The following FAM83A variants were observed in gnomAD, a reference collection of about 807,000 sequenced individuals.
The protein encoded by FAM83A is protein FAM83A.
In FAM83A, 21 loss-of-function variants were observed where a neutral mutation model predicts 24.4. That is an observed-to-expected ratio of 0.86 (90% CI 0.61 to 1.24). FAM83A has a LOEUF of 1.24. FAM83A is among the 50% of genes most tolerant of loss of function. FAM83A has a pLI of 0.00. For synonymous variants in FAM83A, 270 were observed against 252.4 expected, an observed-to-expected ratio of 1.07 and a Z score of -0.66; for missense variants, 617 against 579.8, an observed-to-expected ratio of 1.06 and a Z score of -0.66.
At chr8:123,207,358 C>G in exon 4 of FAM83A, 1 of 1,611,414 alleles carries the variant, frequency 6.2e-7, no homozygotes. Flanking sequence ...GCAGTGGCTC[C>G]GCCAGTGACC....
At chr8:123,180,550 G>GT (rs993422909), upstream of FAM83A, 1 of 152,434 alleles carries the variant, frequency 6.6e-6, no homozygotes, top group African/African-American at 2.4e-5. Context: ...GAGCCATGGA[G>GT]TGAAGCCGAG....
chr8:123,193,874 C>A, intron 2 of FAM83A, 150 bp from the exon 3 acceptor site: 2 of 959,614 alleles, frequency 2.1e-6, no homozygotes, highest in South Asian at 1.7e-5. Flanking sequence ...CTAATCTCCT[C>A]CCAAAGGCCC....
At chr8:123,188,747 C>T (rs1487149415) in intron 1 of FAM83A, among the ~76,000 whole-genome samples, 7 of 152,284 alleles carry the variant, frequency 4.6e-5, no homozygotes, top group Admixed American at 1.3e-4. Context: ...CCTCCCAAAG[C>T]GCTGGGATTA....
At chr8:123,203,264 C>T (rs1824420887) in intron 3 of FAM83A, among the ~76,000 whole-genome samples, 1 of 150,470 alleles carries the variant, frequency 6.6e-6, no homozygotes, top group African/African-American at 2.4e-5. Flanking sequence ...CTTAATCTGA[C>T]TATATTACAA....
intron 3 of FAM83A, chr8:123,201,519 AGC>A (rs1224104221): frequency 6.6e-6 from 1 of 152,242 alleles, no homozygotes; most frequent in Non-Finnish European, 1.5e-5. Flanking sequence ...CCTGCTTACT[AGC>A]CTTTCAGGGG....
chr8:123,195,533 T>C (rs879320031), intron 3 of FAM83A, among the ~76,000 whole-genome samples: 25 of 152,360 alleles, frequency 1.6e-4, no homozygotes, highest in Admixed American at 1.5e-3. Context: ...CTTAAATTTG[T>C]ACAGTGTCTT....
intron 3 of FAM83A, among the ~76,000 whole-genome samples, chr8:123,203,967 A>G (rs1304395110): frequency 6.7e-6 from 1 of 149,402 alleles, no homozygotes; most frequent in African/African-American, 2.6e-5. Context: ...CAAAAAAAAA[A>G]AAAAAAAGGA....
At chr8:123,179,805 G>A (rs1823552550), upstream of FAM83A, 1 of 152,138 alleles carries the variant, frequency 6.6e-6, no homozygotes, top group African/African-American at 2.4e-5. Context: ...GTCCCTACAG[G>A]ATACTCACCT....
chr8:123,202,415 C>A (rs1182362829), intron 3 of FAM83A: 1 of 153,282 alleles, frequency 6.5e-6, no homozygotes, highest in East Asian at 1.9e-4. Flanking sequence ...CCTCAGAGAC[C>A]TCTGATCACC....
chr8:123,194,610 A>G (rs775217875), intron 3 of FAM83A, among the ~76,000 whole-genome samples: 3 of 151,660 alleles, frequency 2.0e-5, no homozygotes, highest in African/African-American at 7.3e-5. Context: ...CAGCCCCCCA[A>G]GTAGCTGGGA....
exon 4 of FAM83A, chr8:123,207,866 C>A: frequency 7.2e-7 from 1 of 1,381,212 alleles, no homozygotes; most frequent in Non-Finnish European, 9.3e-7. Flanking sequence ...CCCACCAGTT[C>A]TTGGGTTCCC....
At chr8:123,185,568 G>A (rs745981961) in intron 1 of FAM83A, among the ~76,000 whole-genome samples, 4 of 152,170 alleles carry the variant, frequency 2.6e-5, no homozygotes, top group Non-Finnish European at 5.9e-5. Context: ...CTGAAAGTTA[G>A]AACTTCCAGC....
chr8:123,202,181 A>G (rs1162001519), intron 3 of FAM83A: 1 of 152,564 alleles, frequency 6.6e-6, no homozygotes, highest in Non-Finnish European at 1.5e-5. Context: ...TAGGAACAAC[A>G]ACAACAACAA....
At chr8:123,203,586 C>CAAAAAAAAA (rs1187426797) in intron 3 of FAM83A, among the ~76,000 whole-genome samples, 1 of 41,124 alleles carries the variant, frequency 2.4e-5, no homozygotes, top group African/African-American at 7.1e-5. Context: ...AGATCTGTCT[C>CAAAAAAAAA]AAAAAAAAAA....
In FAM83A at chr8:123,190,921, T is replaced by C. The variant is rs572565763; in HGVS notation, c.481-882T>C. Among the ~76,000 whole-genome samples, 3 of 152,258 alleles carry C rather than the reference T, an allele frequency of 2.0e-5. No individual in the cohort carries two copies. In the East Asian group the frequency reaches 5.8e-4, roughly 29 times the overall value. On this transcript the variant is annotated intron_variant, in intron 1 of 3. Transcript: ENST00000690554. ...ACCTCGTAGAAAGAACACCTCCTTT[T>C]CCCAGGAGTCCCAGCTAAAGTCCTG...
chr8:123,206,947 TCCC>T (rs1824571394), intron 3 of FAM83A, among the ~76,000 whole-genome samples: 1 of 113,384 alleles, frequency 8.8e-6, no homozygotes, highest in Non-Finnish European at 1.8e-5. Flanking sequence ...TTCTTCCTCC[TCCC>T]CCTCCCCTCC....
At chr8:123,198,326 A>G (rs16898130) in intron 3 of FAM83A, among the ~76,000 whole-genome samples, 39,524 of 152,058 alleles carry the variant, frequency 0.26, 5,623 homozygotes, top group African/African-American at 0.38. Flanking sequence ...ACCATGGGGC[A>G]GTTATCTCTG....
intron 3 of FAM83A, among the ~76,000 whole-genome samples, chr8:123,195,264 G>A (rs747502061): frequency 6.6e-6 from 1 of 152,142 alleles, no homozygotes; most frequent in Non-Finnish European, 1.5e-5. Flanking sequence ...AGCTGGGAGT[G>A]GAAGGCAGGT....
intron 3 of FAM83A, among the ~76,000 whole-genome samples, chr8:123,204,456 A>G (rs1181554510): frequency 2.0e-5 from 3 of 152,214 alleles, no homozygotes; most frequent in African/African-American, 7.2e-5. Flanking sequence ...TTATGGGCCA[A>G]ACAACAATAG....
Sources: allele counts gnomAD v4.1 joint callset (sites outside exome capture counted in the v4.1 genomes callset), GRCh38; gene constraint gnomAD v4.1.1; transcripts MANE v1.5; gene names NCBI Gene and HGNC (gene_info 2026-07-23, HGNC 2026-07-21).